The following AIG1 variants were observed in gnomAD, a reference collection of about 807,000 sequenced individuals.
AIG1 encodes androgen-induced gene 1 protein.
AIG1 carries 23 observed loss-of-function variants against 31.4 expected under a neutral mutation model. The observed-to-expected ratio is 0.73, with a 90% confidence interval of 0.53 to 1.04. The LOEUF (loss-of-function observed/expected upper bound fraction) is 1.04. Ranked by LOEUF, AIG1 falls within the 50% of genes least tolerant of loss-of-function variation. The probability of loss-of-function intolerance (pLI) is 0.00; values close to 1 mark genes in which losing one functional copy is unlikely to be tolerated. For missense variants in AIG1, 274 were observed against 295.0 expected (o/e 0.93, Z 0.52); for synonymous variants, 100 against 110.5 (o/e 0.90, Z 0.60).
rs192166118 is a variant in AIG1, at chr6:143,195,329, A to G, written c.399+30146A>G. Among the ~76,000 whole-genome samples the G allele has an allele frequency of 3.2e-4, 49 of 152,316 alleles. 1 individual carries two copies. Among genetic ancestry groups the G allele is most frequent in the African/African-American group, 1.0e-3 (43 of 41,568 alleles). On this transcript the variant is annotated intron_variant, in intron 3 of 5. Coordinates refer to ENST00000357847, the MANE Select transcript of AIG1 (RefSeq NM_016108.4). ...GTTCAGATCCTGGAGACTCCTCCATACCAAAAACTAGTTTAGGTTTTACCC... is the reference window on the plus strand; with the variant it reads ...GTTCAGATCCTGGAGACTCCTCCATGCCAAAAACTAGTTTAGGTTTTACCC...
At chr6:143,099,852 C>CT (rs1780094255) in intron 1 of AIG1, among the ~76,000 whole-genome samples, 1 of 152,172 alleles carries the variant, frequency 6.6e-6, no homozygotes, top group Non-Finnish European at 1.5e-5. Flanking sequence ...ATGTTACTGT[C>CT]TAACTGACAG....
chr6:143,284,242 C>G lies in AIG1; in HGVS notation c.515+17C>G. 1 of 1,564,044 alleles carries G rather than the reference C, an allele frequency of 6.4e-7. No individual in the cohort carries two copies. The highest frequency in any genetic ancestry group is 1.8e-4 in the Middle Eastern group (1 of 5,684). ...TATATTATGGTAAGGACCATGCCTG[C>G]TGGGCTTTCTTATTGTATTAGATTT... On this transcript the variant is annotated intron_variant, in intron 4 of 5. Coordinates refer to ENST00000357847, the MANE Select transcript of AIG1 (RefSeq NM_016108.4). This position sits in a 1 kb window ranked among gnomAD's most constrained non-coding sequence, Gnocchi z 4.4.
intron 3 of AIG1, among the ~76,000 whole-genome samples, chr6:143,176,135 T>C (rs1788135415): frequency 6.6e-6 from 1 of 152,202 alleles, no homozygotes; most frequent in African/African-American, 2.4e-5. Context: ...GGGAAGTGTC[T>C]GCAGAGTCCT....
chr6:143,336,769 G>A (rs763427281), intron 5 of AIG1, among the ~76,000 whole-genome samples: 6 of 152,148 alleles, frequency 3.9e-5, no homozygotes, highest in Non-Finnish European at 7.3e-5. Context: ...TTGGGTATGC[G>A]TGACACTCAG....
intron 2 of AIG1, among the ~76,000 whole-genome samples, chr6:143,160,265 A>G (rs1430536240): frequency 1.3e-5 from 2 of 152,186 alleles, no homozygotes; most frequent in Admixed American, 6.5e-5. Flanking sequence ...GTCTTACTCA[A>G]TTCCAAAGAA....
intron 4 of AIG1, among the ~76,000 whole-genome samples, chr6:143,317,555 A>G (rs1421652275): frequency 6.6e-6 from 1 of 152,188 alleles, no homozygotes; most frequent in African/African-American, 2.4e-5. Context: ...ATAATACCAA[A>G]CAGGGAAAAG....
At chr6:143,261,983 G>T (rs1470734545) in intron 3 of AIG1, among the ~76,000 whole-genome samples, 1 of 152,250 alleles carries the variant, frequency 6.6e-6, no homozygotes, top group East Asian at 1.9e-4. Flanking sequence ...AAGCATTTGA[G>T]TTATGAGAGA....
Position 143,256,994 on chromosome 6 carries a change from G to A in AIG1, c.400-27116G>A, listed in dbSNP as rs757984538. ...TAATTGGCTTTGGAAGCATTTTTAAGCTTTAGTCTCATTTGTCCATAAAGC... is the reference window on the plus strand; with the variant it reads ...TAATTGGCTTTGGAAGCATTTTTAAACTTTAGTCTCATTTGTCCATAAAGC... On this transcript the variant is annotated intron_variant, in intron 3 of 5. Coordinates refer to ENST00000357847, the MANE Select transcript of AIG1 (RefSeq NM_016108.4). This position sits in a 1 kb window ranked among gnomAD's most constrained non-coding sequence, Gnocchi z 4.6. Among the ~76,000 whole-genome samples the A allele has an allele frequency of 2.0e-5, 3 of 152,176 alleles. No individual in the cohort carries two copies. The highest frequency in any genetic ancestry group is 6.5e-5 in the Admixed American group (1 of 15,268).
chr6:143,180,356 G>C (rs1325476424), intron 3 of AIG1, among the ~76,000 whole-genome samples: 2 of 152,206 alleles, frequency 1.3e-5, no homozygotes, highest in Non-Finnish European at 2.9e-5. Context: ...TAGGAAAACA[G>C]CTCCGCAAGC....
At chr6:143,199,451 A>G (rs1475241105) in intron 3 of AIG1, among the ~76,000 whole-genome samples, 4 of 152,146 alleles carry the variant, frequency 2.6e-5, no homozygotes, top group Admixed American at 2.0e-4. Context: ...TTATTATGCT[A>G]TTCTTTCTAC....
chr6:143,315,423 A>G (rs1284387066), intron 4 of AIG1, among the ~76,000 whole-genome samples: 1 of 152,154 alleles, frequency 6.6e-6, no homozygotes, highest in African/African-American at 2.4e-5. Context: ...TTCAAAACTT[A>G]CTGTAAAGCT....
chr6:143,304,706 G>A (rs963784056), intron 4 of AIG1, among the ~76,000 whole-genome samples: 1 of 151,078 alleles, frequency 6.6e-6, no homozygotes, highest in Non-Finnish European at 1.5e-5. Flanking sequence ...TTGTGTCTCT[G>A]CCAGGCTTTG....
chr6:143,200,645 CT>C (rs1790624650), intron 3 of AIG1, among the ~76,000 whole-genome samples: 1 of 152,180 alleles, frequency 6.6e-6, no homozygotes, highest in Non-Finnish European at 1.5e-5. Flanking sequence ...ACACTTTTTA[CT>C]CCTCAGTTCC....
At chr6:143,281,905 G>T (rs942277439) in intron 3 of AIG1, among the ~76,000 whole-genome samples, 39 of 152,208 alleles carry the variant, frequency 2.6e-4, no homozygotes, top group Middle Eastern at 3.2e-3. Flanking sequence ...GATGGGACAA[G>T]TTGCTCCTGT....
At chr6:143,149,512 G>A (rs887052446) in intron 2 of AIG1, among the ~76,000 whole-genome samples, 3 of 124,302 alleles carry the variant, frequency 2.4e-5, no homozygotes, top group African/African-American at 9.5e-5. Context: ...TAGGCTGGGA[G>A]AGAGAGTGAG....
chr6:143,166,637 A>T (rs1007511066), intron 3 of AIG1, among the ~76,000 whole-genome samples: 6 of 152,232 alleles, frequency 3.9e-5, no homozygotes, highest in African/African-American at 1.4e-4. Context: ...GTTGTCTGGC[A>T]TACAGTAGGA....
At chr6:143,149,183 A>G (rs1784959639) in intron 2 of AIG1, among the ~76,000 whole-genome samples, 1 of 152,178 alleles carries the variant, frequency 6.6e-6, no homozygotes, top group Non-Finnish European at 1.5e-5. Context: ...TTATCTATGT[A>G]CATGAGGCCT....
At chr6:143,164,781 C>T (rs1404939900) in intron 2 of AIG1, among the ~76,000 whole-genome samples, 1 of 152,114 alleles carries the variant, frequency 6.6e-6, no homozygotes, top group Non-Finnish European at 1.5e-5. Context: ...GGAATCAAAC[C>T]AGCACAATTA....
intron 4 of AIG1, among the ~76,000 whole-genome samples, chr6:143,285,147 A>G (rs1797600444): frequency 6.6e-6 from 1 of 152,058 alleles, no homozygotes; most frequent in East Asian, 2.0e-4. Context: ...TCCATGGAGC[A>G]TCTTGCTCCA....
Sources: allele counts gnomAD v4.1 joint callset (sites outside exome capture counted in the v4.1 genomes callset), GRCh38; gene constraint gnomAD v4.1.1; non-coding constraint Gnocchi (gnomAD v3.1); transcripts MANE v1.5; gene names NCBI Gene and HGNC (gene_info 2026-07-23, HGNC 2026-07-21).